Variants in CNOT2 observed in about 807,000 individuals in gnomAD.
CNOT2 encodes the protein CC chemokine receptor 4-negative regulator of transcription 2.
CNOT2 carries 7 observed loss-of-function variants against 72.1 expected under a neutral mutation model. That is an observed-to-expected ratio of 0.10 (90% confidence interval 0.06 to 0.18). The LOEUF (loss-of-function observed/expected upper bound fraction) is 0.18, where lower values mean the gene tolerates loss of function less well. CNOT2 is among the 10% of genes least tolerant of loss of function. The pLI, the probability that CNOT2 is intolerant of heterozygous loss-of-function variation, is 1.00. For synonymous variants in CNOT2, 196 were observed against 225.6 expected, an observed-to-expected ratio of 0.87 and a Z score of 1.17; for missense variants, 345 against 660.3, an observed-to-expected ratio of 0.52 and a Z score of 5.23.
intron 2 of CNOT2, among the ~76,000 whole-genome samples, chr12:70,292,559 T>C (rs754036550): frequency 1.3e-4 from 20 of 152,072 alleles, no homozygotes; most frequent in Admixed American, 2.0e-4. Context: ...GTATGTCCGA[T>C]GTGTTTGAGG....
chr12:70,277,816 C>T (rs1446006184), intron 1 of CNOT2, among the ~76,000 whole-genome samples: 3 of 151,996 alleles, frequency 2.0e-5, no homozygotes, highest in Non-Finnish European at 2.9e-5. Context: ...AAAAATATGT[C>T]AGTTGTGGGA....
At chr12:70,271,081 T>C (rs975288114) in intron 1 of CNOT2, among the ~76,000 whole-genome samples, 2 of 152,202 alleles carry the variant, frequency 1.3e-5, no homozygotes, top group African/African-American at 4.8e-5. Context: ...GGTTTAATAA[T>C]TAATTCCAGG....
chr12:70,342,741 G>A (rs1304104767), intron 13 of CNOT2, among the ~76,000 whole-genome samples: 7 of 151,794 alleles, frequency 4.6e-5, no homozygotes, highest in Non-Finnish European at 1.0e-4. Context: ...TTCTAAAGTA[G>A]TTATTAACAA....
rs560578499 is a variant in CNOT2, at chr12:70,311,677, A to C, written c.171+660A>C. On this transcript the variant is annotated intron_variant, in intron 3 of 15. Coordinates refer to ENST00000229195, the MANE Select transcript of CNOT2 (RefSeq NM_014515.7). ...CTTAAAAATGAATGTAATTACTAAA[A>C]TTCTGTTAAGCTACTTTAAATTATA... 2.0e-5 allele frequency among the ~76,000 whole-genome samples: 3 copies of C among 152,002 alleles called. No individual in the cohort carries two copies. In the East Asian group the frequency reaches 5.8e-4, roughly 29 times the overall value.
chr12:70,250,583 G>C (rs1486404726), intron 1 of CNOT2, among the ~76,000 whole-genome samples: 3 of 151,800 alleles, frequency 2.0e-5, no homozygotes, highest in African/African-American at 7.3e-5. Flanking sequence ...TGGTAACTTA[G>C]GAAAAAATAA....
At chr12:70,308,973 A>C (rs1036629938) in intron 2 of CNOT2, among the ~76,000 whole-genome samples, 26 of 152,150 alleles carry the variant, frequency 1.7e-4, no homozygotes, top group Non-Finnish European at 2.9e-4. Flanking sequence ...AGTTCTATAA[A>C]GATAATTAAA....
intron 2 of CNOT2, among the ~76,000 whole-genome samples, chr12:70,307,044 A>G (rs935856895): frequency 2.0e-5 from 3 of 152,212 alleles, no homozygotes; most frequent in Non-Finnish European, 2.9e-5. Flanking sequence ...ACACCTTTAT[A>G]GGGCACTTAT....
chr12:70,333,946 T>A (rs1015763288), intron 7 of CNOT2, among the ~76,000 whole-genome samples: 17 of 152,000 alleles, frequency 1.1e-4, no homozygotes, highest in African/African-American at 3.4e-4. Context: ...TGTCTGACAG[T>A]GCCATCTTAG....
At chr12:70,297,143 A>G (rs1872948315) in intron 2 of CNOT2, among the ~76,000 whole-genome samples, 1 of 152,224 alleles carries the variant, frequency 6.6e-6, no homozygotes, top group Non-Finnish European at 1.5e-5. Context: ...TGCCTATTTT[A>G]TAGCCAAGAA....
At chr12:70,294,162 G>C (rs1336369060) in intron 2 of CNOT2, 1 of 1,289,066 alleles carries the variant, frequency 7.8e-7, no homozygotes, top group East Asian at 5.6e-5. Flanking sequence ...CAACCCTGCT[G>C]TAATATCTCA....
At chr12:70,280,800 T>C (rs1442150235) in intron 2 of CNOT2, among the ~76,000 whole-genome samples, 1 of 152,198 alleles carries the variant, frequency 6.6e-6, no homozygotes, top group Non-Finnish European at 1.5e-5. Flanking sequence ...GTGTTTTCTT[T>C]CTTACTATAA....
At chr12:70,336,494 T>A (rs1880721148) in intron 8 of CNOT2, 1 of 152,122 alleles carries the variant, frequency 6.6e-6, no homozygotes, top group African/African-American at 2.4e-5. Flanking sequence ...GTTCATCCAT[T>A]ATTTTAAGAT....
chr12:70,303,777 G>C (rs1374926446), intron 2 of CNOT2, among the ~76,000 whole-genome samples: 1 of 152,168 alleles, frequency 6.6e-6, no homozygotes, highest in Non-Finnish European at 1.5e-5. Flanking sequence ...TTGCCAGACT[G>C]GGGAAGTTCT....
chr12:70,310,626 G>A (rs888614846), intron 2 of CNOT2, among the ~76,000 whole-genome samples: 1 of 152,026 alleles, frequency 6.6e-6, no homozygotes, highest in Non-Finnish European at 1.5e-5. Flanking sequence ...TTTTTGAAGA[G>A]TAAGGTATAC....
chr12:70,332,143 G>T (rs936263246), intron 6 of CNOT2, among the ~76,000 whole-genome samples: 7 of 151,716 alleles, frequency 4.6e-5, no homozygotes, highest in African/African-American at 1.4e-4. Flanking sequence ...ATGTATTTTT[G>T]AGCACTGAAT....
At chr12:70,288,377 C>A (rs905123571) in intron 2 of CNOT2, among the ~76,000 whole-genome samples, 1 of 152,084 alleles carries the variant, frequency 6.6e-6, no homozygotes, top group South Asian at 2.1e-4. Context: ...CAACTCCTGA[C>A]CTCAGGTGAT....
intron 2 of CNOT2, among the ~76,000 whole-genome samples, chr12:70,303,709 C>T (rs1265793912): frequency 6.6e-6 from 1 of 152,136 alleles, no homozygotes; most frequent in Non-Finnish European, 1.5e-5. Context: ...CGTTGCTCTT[C>T]TCGAGGAGTA....
At chr12:70,255,282 G>A (rs1036432795) in intron 1 of CNOT2, among the ~76,000 whole-genome samples, 1 of 152,076 alleles carries the variant, frequency 6.6e-6, no homozygotes, top group African/African-American at 2.4e-5. Context: ...TGTTAGCCAA[G>A]TGTATTTTTT....
At chr12:70,332,029 A>G (rs1880031691) in intron 6 of CNOT2, among the ~76,000 whole-genome samples, 1 of 151,674 alleles carries the variant, frequency 6.6e-6, no homozygotes, top group African/African-American at 2.4e-5. Context: ...GGCAACTGTA[A>G]CTATTTACGA....
Sources: gnomAD v4.1 joint callset for allele counts (sites outside exome capture counted in the v4.1 genomes callset) on GRCh38, gnomAD v4.1.1 for gene constraint, MANE v1.5 for transcripts, NCBI Gene and HGNC (gene_info 2026-07-23, HGNC 2026-07-21) for gene names.